Variants in RNF213 observed in about 807,000 individuals in gnomAD.
RNF213 encodes E3 ubiquitin-protein ligase RNF213.
RNF213 carries 341 observed loss-of-function variants against 514.4 expected under a neutral mutation model. That is an observed-to-expected ratio of 0.66 (90% CI 0.61 to 0.73). The LOEUF is 0.73. Ranked by LOEUF, RNF213 falls within the 30% of genes least tolerant of loss-of-function variation. The probability of loss-of-function intolerance (pLI) is 0.00; values close to 1 mark genes in which losing one functional copy is unlikely to be tolerated. For missense variants in RNF213, 5,767 were observed against 6,615.6 expected (o/e 0.87, Z 4.45); for synonymous variants, 2,655 against 2,658.2 (o/e 1.00, Z 0.04).
chr17:80,368,266 TATC>T (rs1351111172), intron 44 of RNF213, 123 bp downstream of exon 44: 30 of 1,067,934 alleles, frequency 2.8e-5, no homozygotes, highest in Non-Finnish European at 4.3e-5. Context: ...CTCAGAGAAC[TATC>T]ATAAGAGACG....
In RNF213 at chr17:80,389,501, C is replaced by T. The variant is rs2080375103; in HGVS notation, c.15195+134C>T. ...GGATGGGGAGACAAGAACAACTGCT[C>T]ACCCAGTCAGTCCAGCATAAACAGG... On this transcript the variant is annotated intron_variant, in intron 65 of 67. Transcript: ENST00000582970. 1.1e-5 allele frequency: 9 copies of T among 795,888 alleles called. No homozygotes were observed. In the South Asian group the frequency reaches 1.3e-4, roughly 12 times the overall value. 49.3% of individuals were successfully genotyped at this position (795,888 alleles called of 1,614,324 possible).
chr17:80,355,710 A>ATG (rs2078774530), intron 36 of RNF213, among the ~76,000 whole-genome samples: 2 of 14,892 alleles, frequency 1.3e-4, no homozygotes, highest in African/African-American at 7.5e-4. Flanking sequence ...GGGGGCTTAC[A>ATG]GAGGAAGAAG....
In RNF213 at chr17:80,263,936, C is replaced by G. The variant is rs1325696659; in HGVS notation, c.97+158C>G. On this transcript the variant is annotated intron_variant, in intron 2 of 67. Coordinates refer to ENST00000582970, the MANE Select transcript of RNF213 (RefSeq NM_001256071.3). The surrounding 1 kb of genome is among the most constrained non-coding windows in gnomAD (Gnocchi z 4.9). ...GCTCTGTGGCTCTGAATAGCCATCT[C>G]AAAAGTGACCACAGAGTCTGTTTTG... Among the ~76,000 whole-genome samples the G allele has an allele frequency of 6.6e-6, 1 of 152,154 alleles. No homozygotes were observed. The highest frequency in any genetic ancestry group is 2.4e-5 in the African/African-American group (1 of 41,438).
At position 80,301,649 on chromosome 17, in the gene RNF213, A is replaced by G. The variant is rs547537528; in HGVS notation, c.2210+3131A>G. Among the ~76,000 whole-genome samples the G allele has an allele frequency of 4.6e-5, 7 of 152,350 alleles. No homozygotes were observed. In the South Asian group the frequency reaches 1.4e-3, roughly 32 times the overall value. ...ATCAAAAAGACAAAAAATAAATGCC[A>G]GTGAGGATGTGGGAAAGAGAAACTC... is the stretch of plus-strand genomic sequence containing the variant. On this transcript the variant is annotated intron_variant, in intron 11 of 67. Coordinates refer to ENST00000582970, the MANE Select transcript of RNF213 (RefSeq NM_001256071.3).
chr17:80,381,838 G>A lies in RNF213; in HGVS notation c.13978+111G>A, dbSNP rs980823119. The A allele has an allele frequency of 3.9e-6, 4 of 1,021,968 alleles. No individual in the cohort carries two copies. In the Admixed American group the frequency reaches 8.1e-5, roughly 21 times the overall value. 63.3% of individuals were successfully genotyped at this position (1,021,968 alleles called of 1,614,324 possible). A position where few individuals can be genotyped will look rare whatever the true frequency, so the allele number is the denominator to read the frequency against. On this transcript the variant is annotated intron_variant, in intron 57 of 67. Transcript: ENST00000582970. The stretch of plus-strand genomic sequence containing the variant: ...CACAGCCAGTCTGAGCTCTGTCTGT[G>A]CTGTTGCTGGAAAGAATGAGAGAAC...
At chr17:80,363,366 C>T in intron 40 of RNF213, 52 bp downstream of exon 40, 2 of 1,556,290 alleles carry the variant, frequency 1.3e-6, no homozygotes, top group Non-Finnish European at 1.8e-6. Context: ...CTTCCAACTC[C>T]ACTCTGGGAA....
At chr17:80,360,407 C>T (rs1206496217) in intron 38 of RNF213, 12 of 621,016 alleles carry the variant, frequency 1.9e-5, no homozygotes, top group South Asian at 1.1e-4. Context: ...GAGGCCCCGG[C>T]GGGACCAGAA....
chr17:80,351,662 TTC>T (rs1486706234), intron 31 of RNF213, 21 bp from the exon 32 acceptor site: 11 of 1,233,216 alleles, frequency 8.9e-6, no homozygotes, highest in African/African-American at 3.1e-5. Flanking sequence ...AAAATAGGTA[TTC>T]TTTTTTTTTT....
At chr17:80,348,702 A>G (rs893055106) in intron 29 of RNF213, among the ~76,000 whole-genome samples, 2 of 152,238 alleles carry the variant, frequency 1.3e-5, no homozygotes, top group African/African-American at 2.4e-5. Context: ...GGTGCAGACC[A>G]GGATGCGAGC....
chr17:80,388,596 T>A lies in RNF213; in HGVS notation c.14923-16T>A. The A allele has an allele frequency of 1.3e-6, 2 of 1,580,866 alleles. No homozygotes were observed. The highest frequency in any genetic ancestry group is 1.7e-6 in the Non-Finnish European group (2 of 1,150,510). On this transcript the variant is annotated splice_polypyrimidine_tract_variant and intron_variant, in intron 63 of 67. Coordinates refer to ENST00000582970, the MANE Select transcript of RNF213 (RefSeq NM_001256071.3). ...ATGGATTTAATTTTAAAAAACTTTTTTCTTTCCCAATTTAGGGAATACCCA... is the reference window on the plus strand; with the variant it reads ...ATGGATTTAATTTTAAAAAACTTTTATCTTTCCCAATTTAGGGAATACCCA...
intron 12 of RNF213, among the ~76,000 whole-genome samples, 163 bp from the exon 13 acceptor site, chr17:80,306,965 G>A (rs1232960637): frequency 6.6e-6 from 1 of 152,000 alleles, no homozygotes; most frequent in Admixed American, 6.6e-5. Context: ...AGTTTTATCT[G>A]TAAAAGAGGT....
At chr17:80,380,347 C>T (rs540642819) in intron 55 of RNF213, among the ~76,000 whole-genome samples, 2 of 152,312 alleles carry the variant, frequency 1.3e-5, no homozygotes, top group South Asian at 4.1e-4. Flanking sequence ...CAGAAACTGT[C>T]ACAGTGTCCT....
chr17:80,380,834 C>G lies in RNF213; in HGVS notation c.13644C>G (p.Asp4548Glu), dbSNP rs1442537902. 6 of 1,614,090 alleles carry G rather than the reference C, an allele frequency of 3.7e-6. No individual in the cohort carries two copies. The Admixed American group carries it at 8.3e-5, about 22-fold the overall frequency. ...TGTGTTCTCTCGTTCTTTCCAGAGA[C>G]AAGGCAGACAGAACGCAGACCGGCC... Reference protein sequence around the residue: ...KPRDGFHLVKDKADRTQTGHV... With the variant: ...KPRDGFHLVKEKADRTQTGHV... The change falls in exon 56 of 68, where the codon GAC (aspartate) becomes GAG (glutamate). Residue 4548 changes from aspartate (D) to glutamate (E), a missense_variant. Asp to Glu is a conservative substitution (Grantham distance 45, BLOSUM62 2). This residue lies in a region of RNF213 where 1,245 missense variants were observed against 1,339.0 expected (regional missense o/e 0.93). Transcript: ENST00000582970.
At chr17:80,355,017 G>A (rs1343083820) in intron 36 of RNF213, 2 of 356,562 alleles carry the variant, frequency 5.6e-6, no homozygotes, top group African/African-American at 4.3e-5. Context: ...TCACTGCCAT[G>A]GTTATTTTTC....
rs928342605 is a variant in RNF213 at position 80,317,670 on chromosome 17, G to T, written c.2901+393G>T. Among the ~76,000 whole-genome samples the T allele has an allele frequency of 2.6e-5, 4 of 152,184 alleles. No individual in the cohort carries two copies. Among genetic ancestry groups the T allele is most frequent in the Non-Finnish European group, 5.9e-5 (4 of 68,032 alleles). Reference sequence around the variant, plus strand: ...GCTGGCAGGAGCAAGCTCCGTGCAGGCCCTGCAGCAGTGCCCAGATTGAGG... The same window carrying T: ...GCTGGCAGGAGCAAGCTCCGTGCAGTCCCTGCAGCAGTGCCCAGATTGAGG... On this transcript the variant is annotated intron_variant, in intron 16 of 67. Coordinates refer to ENST00000582970, the MANE Select transcript of RNF213 (RefSeq NM_001256071.3). The surrounding 1 kb of genome is among the most constrained non-coding windows in gnomAD (Gnocchi z 4.1).
At chr17:80,281,076 C>A (rs2044239788) in intron 3 of RNF213, among the ~76,000 whole-genome samples, 1 of 149,412 alleles carries the variant, frequency 6.7e-6, no homozygotes, top group Admixed American at 6.7e-5. Flanking sequence ...TCACACACAC[C>A]CCCCGCCACA....
rs776100667 is a variant in RNF213 at position 80,295,644 on chromosome 17, C to T, written c.1843C>T (p.Pro615Ser). 24 of 1,613,910 alleles carry T rather than the reference C, an allele frequency of 1.5e-5. No homozygotes were observed. In the African/African-American group the frequency reaches 3.2e-4, roughly 22 times the overall value. Residue 615 changes from proline (P) to serine (S), a missense_variant, in exon 10 of 68, where the codon CCA becomes TCA. Around this residue, in one of 13 missense-constraint regions of RNF213, gnomAD observed 592 missense variants for 673.9 expected, o/e 0.88. Transcript: ENST00000582970. ...CACGGACTTTTTGCCTGTGGACTGC[C>T]CAGTGAGGAGTAAACTGAAAACAGG... ...KSTDFLPVDC[P>S]VRSKLKTGLI... is the part of the protein sequence containing the mutation.
intron 29 of RNF213, among the ~76,000 whole-genome samples, chr17:80,348,580 G>C (rs1383346384): frequency 6.6e-6 from 1 of 152,224 alleles, no homozygotes; most frequent in Non-Finnish European, 1.5e-5. Flanking sequence ...ACGCACAGAT[G>C]AATCTGTAGC....
At position 80,339,349 on chromosome 17, in the gene RNF213, C is replaced by G; in HGVS notation, c.4982C>G (p.Thr1661Arg). ...LQMDFGLDLV[T>R]ELKEGGDVTE... ...ATGGACTTTGGCTTGGACCTGGTGA[C>G]GGAGCTTAAAGAAGGTGGAGATGTC... Residue 1661 changes from threonine (T) to arginine (R), a missense_variant, in exon 26 of 68, where the codon ACG becomes AGG. Physicochemically the swap from Thr to Arg is moderately conservative, Grantham distance 71. This residue lies in a region of RNF213 where 1,377 missense variants were observed against 1,635.2 expected (regional missense o/e 0.84). Transcript: ENST00000582970. 6.5e-7 allele frequency: 1 copy of G among 1,537,182 alleles called. No homozygotes were observed. The highest frequency in any genetic ancestry group is 8.7e-7 in the Non-Finnish European group (1 of 1,146,902).
Sources: allele counts gnomAD v4.1 joint callset (sites outside exome capture counted in the v4.1 genomes callset), GRCh38; gene constraint gnomAD v4.1.1; regional missense constraint gnomAD v4.1.1; non-coding constraint Gnocchi (gnomAD v3.1); transcripts MANE v1.5; gene names NCBI Gene and HGNC (gene_info 2026-07-23, HGNC 2026-07-21).